CLSTN2: variants seen among roughly 807,000 people sequenced by gnomAD.
The protein encoded by CLSTN2 is calsyntenin-2.
CLSTN2 carries 48 observed loss-of-function variants against 101.2 expected under a neutral mutation model. The observed-to-expected ratio is 0.47, with a 90% CI of 0.38 to 0.60. The LOEUF is 0.60. CLSTN2 is among the 20% of genes least tolerant of loss of function. The pLI, the probability that CLSTN2 is intolerant of heterozygous loss-of-function variation, is 0.00. For missense variants in CLSTN2, 1,160 were observed against 1,238.2 expected (o/e 0.94, Z 0.95); for synonymous variants, 481 against 463.6 (o/e 1.04, Z -0.48).
chr3:140,166,564 A>C (rs921035682), intron 1 of CLSTN2, among the ~76,000 whole-genome samples: 2 of 152,206 alleles, frequency 1.3e-5, no homozygotes, highest in African/African-American at 2.4e-5. Flanking sequence ...AAGGTAAATC[A>C]TGAGCCGCTT....
At chr3:140,254,441 C>T (rs1160616404) in intron 2 of CLSTN2, among the ~76,000 whole-genome samples, 3 of 152,098 alleles carry the variant, frequency 2.0e-5, no homozygotes, top group Non-Finnish European at 4.4e-5. Flanking sequence ...AGAACCATGT[C>T]ATTTATGAAA....
chr3:140,289,780 T>A (rs1182520242), intron 2 of CLSTN2, among the ~76,000 whole-genome samples: 1 of 152,090 alleles, frequency 6.6e-6, no homozygotes, highest in Non-Finnish European at 1.5e-5. Context: ...AACTTGATCA[T>A]GAAATAAAAA....
At chr3:140,491,729 G>A (rs1292975461) in intron 8 of CLSTN2, among the ~76,000 whole-genome samples, 1 of 152,152 alleles carries the variant, frequency 6.6e-6, no homozygotes, top group Non-Finnish European at 1.5e-5. Flanking sequence ...GGCTGAGGTG[G>A]GAGAATCACC....
chr3:140,107,475 T>C (rs868592898), intron 1 of CLSTN2, among the ~76,000 whole-genome samples: 7 of 152,326 alleles, frequency 4.6e-5, no homozygotes, highest in Admixed American at 2.6e-4. Context: ...AGGGGTTTCC[T>C]GTCATTTCAC....
At chr3:140,163,414 A>G (rs898340819) in intron 1 of CLSTN2, among the ~76,000 whole-genome samples, 6 of 145,026 alleles carry the variant, frequency 4.1e-5, no homozygotes, top group African/African-American at 1.7e-4. Context: ...AAAATTTTCT[A>G]TCTCTACACA....
intron 1 of CLSTN2, among the ~76,000 whole-genome samples, chr3:140,084,124 C>T (rs748891437): frequency 2.0e-5 from 3 of 152,106 alleles, no homozygotes; most frequent in Non-Finnish European, 4.4e-5. Flanking sequence ...GGTCACATCC[C>T]GATGAATCAG....
At chr3:140,283,213 TAA>T (rs1362071803) in intron 2 of CLSTN2, among the ~76,000 whole-genome samples, 1 of 152,156 alleles carries the variant, frequency 6.6e-6, no homozygotes, top group African/African-American at 2.4e-5. Flanking sequence ...GCTTAGTAAA[TAA>T]AGCATCACTA....
intron 4 of CLSTN2, among the ~76,000 whole-genome samples, chr3:140,416,755 A>G (rs533101271): frequency 6.6e-6 from 1 of 152,258 alleles, no homozygotes; most frequent in Non-Finnish European, 1.5e-5. Flanking sequence ...CAGCCATGTT[A>G]GAGAATGACA....
chr3:140,276,132 A>C (rs966807541), intron 2 of CLSTN2, among the ~76,000 whole-genome samples: 2 of 152,122 alleles, frequency 1.3e-5, no homozygotes, highest in Non-Finnish European at 2.9e-5. Flanking sequence ...CAAAGAATGC[A>C]CCTTTCTTCT....
intron 4 of CLSTN2, among the ~76,000 whole-genome samples, chr3:140,418,431 G>C (rs936174708): frequency 1.3e-5 from 2 of 151,896 alleles, no homozygotes; most frequent in Non-Finnish European, 2.9e-5. Flanking sequence ...TCTCTAATTG[G>C]TGGATGAAGC....
Position 139,971,716 on chromosome 3 carries a change from C to T in CLSTN2, c.109+36233C>T, listed in dbSNP as rs186952313. Among the ~76,000 whole-genome samples the T allele has an allele frequency of 4.3e-3, 651 of 152,300 alleles. 3 individuals are homozygous for T. The highest frequency in any genetic ancestry group is 7.0e-3 in the Non-Finnish European group (478 of 68,032). ...CCACACATGGTTGCAGAGTACAAAC[C>T]AGACCCACATTCCAGTCACAGAGAA... On this transcript the variant is annotated intron_variant, in intron 1 of 16. Coordinates refer to ENST00000458420, the MANE Select transcript of CLSTN2 (RefSeq NM_022131.3).
intron 2 of CLSTN2, among the ~76,000 whole-genome samples, chr3:140,222,123 G>A (rs7610536): frequency 0.42 from 64,027 of 151,664 alleles, 14,654 homozygotes; most frequent in East Asian, 0.72. Context: ...TACAAAACGG[G>A]GTGCTGGTCA....
chr3:140,358,339 C>G (rs76385594), intron 2 of CLSTN2, among the ~76,000 whole-genome samples: 5,525 of 152,220 alleles, frequency 0.036, 121 homozygotes, highest in Middle Eastern at 0.068. Flanking sequence ...TGTGGCTAAA[C>G]AGCTGGTGAC....
intron 1 of CLSTN2, among the ~76,000 whole-genome samples, chr3:140,025,283 G>T (rs1490950435): frequency 1.3e-5 from 2 of 152,130 alleles, no homozygotes; most frequent in Non-Finnish European, 2.9e-5. Flanking sequence ...ACATCTAGTG[G>T]CAGGCCTTAA....
chr3:140,414,513 C>T (rs2088404977), intron 4 of CLSTN2, among the ~76,000 whole-genome samples: 1 of 151,820 alleles, frequency 6.6e-6, no homozygotes, highest in Admixed American at 6.6e-5. Context: ...GGGAGCTAAG[C>T]TATGGGTATG....
At chr3:140,139,965 C>G (rs1420012467) in intron 1 of CLSTN2, among the ~76,000 whole-genome samples, 1 of 152,210 alleles carries the variant, frequency 6.6e-6, no homozygotes, top group Non-Finnish European at 1.5e-5. Flanking sequence ...AAAGAGGGAA[C>G]AGTGGCATGT....
At position 140,575,181 on chromosome 3, in the gene CLSTN2, T is replaced by C. The variant is rs979989234; in HGVS notation, c.*8928T>C. 1 of 152,226 alleles carries C rather than the reference T, an allele frequency of 6.6e-6. No homozygotes were observed. Among genetic ancestry groups the C allele is most frequent in the African/African-American group, 2.4e-5 (1 of 41,430 alleles). 9.4% of individuals were successfully genotyped at this position (152,226 alleles called of 1,614,324 possible). On this transcript the variant is annotated 3_prime_UTR_variant, in exon 17 of 17. Coordinates refer to ENST00000458420, the MANE Select transcript of CLSTN2 (RefSeq NM_022131.3). ...TTTTGTTTTTCTGTTTTTGTTTTGT[T>C]TTTGGCGTGGAGGAGAAATTTAGAC...
At chr3:140,169,920 G>T (rs990716108) in intron 1 of CLSTN2, among the ~76,000 whole-genome samples, 4 of 152,052 alleles carry the variant, frequency 2.6e-5, no homozygotes, top group African/African-American at 7.2e-5. Context: ...CAATTTTCAC[G>T]ACATTCCTGA....
At chr3:139,942,139 G>A (rs775287759) in intron 1 of CLSTN2, among the ~76,000 whole-genome samples, 62 of 152,176 alleles carry the variant, frequency 4.1e-4, no homozygotes, top group Non-Finnish European at 8.2e-4. Context: ...GAGAGGCTCT[G>A]CTGCCCTGGA....
Sources: allele counts gnomAD v4.1 joint callset (sites outside exome capture counted in the v4.1 genomes callset), GRCh38; gene constraint gnomAD v4.1.1; transcripts MANE v1.5; gene names NCBI Gene and HGNC (gene_info 2026-07-23, HGNC 2026-07-21).